The following PTPN21 variants were observed in gnomAD, a reference collection of about 807,000 sequenced individuals.
The protein encoded by PTPN21 is tyrosine-protein phosphatase non-receptor type 21.
In PTPN21, 77 loss-of-function variants were observed where a neutral mutation model predicts 131.8. The ratio of observed to expected loss-of-function variants is 0.58; its 90% CI spans 0.49 to 0.71. The LOEUF is 0.71. Among genes scored for constraint, PTPN21 ranks in the 30% least tolerant of loss-of-function variants. The pLI is 0.00. For synonymous variants in PTPN21, 715 were observed against 621.3 expected (o/e 1.15, Z -2.24); for missense variants, 1,552 against 1,527.1 (o/e 1.02, Z -0.27).
intron 8 of PTPN21, among the ~76,000 whole-genome samples, chr14:88,500,526 G>C (rs900900516): frequency 6.6e-6 from 1 of 152,134 alleles, no homozygotes; most frequent in Non-Finnish European, 1.5e-5. Context: ...GGCACAAAAA[G>C]GGTCACACAT....
chr14:88,523,838 G>C (rs1226483315), intron 2 of PTPN21, among the ~76,000 whole-genome samples: 1 of 151,622 alleles, frequency 6.6e-6, no homozygotes, highest in Non-Finnish European at 1.5e-5. Context: ...CTATATACCA[G>C]CAATGTACAT....
chr14:88,518,491 C>T (rs575261310), intron 2 of PTPN21, among the ~76,000 whole-genome samples: 7 of 119,698 alleles, frequency 5.8e-5, no homozygotes, highest in African/African-American at 9.7e-5. Flanking sequence ...AGTGCAGTGG[C>T]GCAATCTCAG....
In PTPN21 at chr14:88,545,148, A is replaced by G. The variant is rs2078758360; in HGVS notation, c.180+5090T>C. On this transcript the variant is annotated intron_variant, in intron 2 of 18. Transcript: ENST00000556564. ...CCGCGCCTGGCCGACTTATGAAAAT[A>G]TCTACTTTTTCAAGGTAACATTCTT... is the stretch of plus-strand genomic sequence containing the variant. Among the ~76,000 whole-genome samples, 3 of 152,246 alleles carry G rather than the reference A, an allele frequency of 2.0e-5. No individual in the cohort carries two copies. The South Asian group carries it at 6.2e-4, about 32-fold the overall frequency.
rs2077485453 is a variant in PTPN21, at chr14:88,472,395, C to T, written c.2720G>A (p.Arg907Gln). The T allele has an allele frequency of 3.1e-6, 5 of 1,614,048 alleles. No individual in the cohort carries two copies. Among genetic ancestry groups the T allele is most frequent in the African/African-American group, 1.3e-5 (1 of 75,026 alleles). ...TGTTGAGCACTCCCCATCAACTAGC[C>T]GTTTCTTAAGAATTCTTTCATATTC... is the stretch of plus-strand genomic sequence containing the variant. ...FTEYERILKK[R>Q]LVDGECSTAR... Residue 907 changes from arginine (R) to glutamine (Q), a missense_variant, in exon 15 of 19, where the codon CGG (arginine) becomes CAG (glutamine). Around this residue, in one of 4 missense-constraint regions of PTPN21, gnomAD observed 316 missense variants for 378.5 expected, o/e 0.83. Coordinates refer to ENST00000556564, the MANE Select transcript of PTPN21 (RefSeq NM_007039.4).
At chr14:88,535,898 C>G (rs1049096580) in intron 2 of PTPN21, among the ~76,000 whole-genome samples, 5 of 152,224 alleles carry the variant, frequency 3.3e-5, no homozygotes, top group African/African-American at 1.2e-4. Flanking sequence ...TATGCACGTC[C>G]TGTTAATGGA....
chr14:88,553,137 A>G (rs1204493576), intron 1 of PTPN21, among the ~76,000 whole-genome samples: 2 of 152,222 alleles, frequency 1.3e-5, no homozygotes, highest in Non-Finnish European at 2.9e-5. Flanking sequence ...AGCTCTGATT[A>G]AGCAAACTCA....
chr14:88,489,331 C>T (rs559905381), intron 10 of PTPN21, among the ~76,000 whole-genome samples: 41 of 152,218 alleles, frequency 2.7e-4, no homozygotes, highest in African/African-American at 9.9e-4. Flanking sequence ...CAAAAAGATG[C>T]CATTGAAAGC....
At chr14:88,544,015 C>T (rs567596013) in intron 2 of PTPN21, among the ~76,000 whole-genome samples, 1 of 152,160 alleles carries the variant, frequency 6.6e-6, no homozygotes, top group South Asian at 2.1e-4. Flanking sequence ...GAAGAGACTT[C>T]CATGGTTTCA....
chr14:88,523,752 C>CTCGAGGTAAT, intron 2 of PTPN21, among the ~76,000 whole-genome samples: 1 of 150,976 alleles, frequency 6.6e-6, no homozygotes, highest in Non-Finnish European at 1.5e-5. Flanking sequence ...CACACACACA[C>CTCGAGGTAAT]ACACCCCTGC....
In PTPN21 at chr14:88,469,501, A is replaced by G. The variant is rs2077421544; in HGVS notation, c.3233T>C (p.Leu1078Ser). 4 of 1,610,156 alleles carry G rather than the reference A, an allele frequency of 2.5e-6. No homozygotes were observed. Among genetic ancestry groups the G allele is most frequent in the Non-Finnish European group, 3.4e-6 (4 of 1,176,430 alleles). Residue 1078 changes from leucine (L) to serine (S), a missense_variant and splice_region_variant, in exon 17 of 19, where the codon TTA becomes TCA. By Grantham distance (145) the Leu-to-Ser change is moderately radical. This residue lies in a region of PTPN21 where 316 missense variants were observed against 378.5 expected (regional missense o/e 0.83). Transcript: ENST00000556564. The surrounding 1 kb of genome is among the most constrained non-coding windows in gnomAD (Gnocchi z 4.3). ...GGAACAAAGTTAAAGTCACTCACATAAAAATCCCTTGAGGTCTTCTGGACA... is the reference window on the plus strand; with the variant it reads ...GGAACAAAGTTAAAGTCACTCACATGAAAATCCCTTGAGGTCTTCTGGACA... The part of the protein sequence containing the change: ...HGCPEDLKGF[L>S]SYLEEIQSVR...
rs778796606 is a variant in PTPN21, at chr14:88,550,378, G to A, written c.40C>T (p.Arg14Cys). Residue 14 changes from arginine (R) to cysteine (C), a missense_variant, in exon 2 of 19, where the codon CGC becomes TGC. Arg to Cys is a radical substitution (Grantham distance 180, BLOSUM62 -3). Transcript: ENST00000556564. Reference sequence around the variant, plus strand: ...CAACTCTTGCTGGACACCGTGTAGCGCCGGGTGCGTTTCAGTTTCAACCCA... The same window carrying A: ...CAACTCTTGCTGGACACCGTGTAGCACCGGGTGCGTTTCAGTTTCAACCCA... ...PFGLKLKRTR[R>C]YTVSSKSCLV... 8 of 1,613,972 alleles carry A rather than the reference G, an allele frequency of 5.0e-6. No individual in the cohort carries two copies. The highest frequency in any genetic ancestry group is 6.8e-6 in the Non-Finnish European group (8 of 1,180,006).
chr14:88,485,175 G>A lies in PTPN21; in HGVS notation c.994-15C>T. 6.6e-7 allele frequency: 1 copy of A among 1,525,266 alleles called. No individual in the cohort carries two copies. The allele number at this position is 1,525,266 out of a possible 1,614,324, so 94.5% of individuals were successfully genotyped here. ...TGGGGTTTAGGCTAAGAAATGGAGA[G>A]TTTGACACAGGGTTGAAACACATTG... On this transcript the variant is annotated splice_polypyrimidine_tract_variant and intron_variant, in intron 11 of 18. Transcript: ENST00000556564.
intron 2 of PTPN21, among the ~76,000 whole-genome samples, chr14:88,527,695 TGTTTTTGG>T (rs1402123746): frequency 1.3e-5 from 2 of 152,220 alleles, no homozygotes; most frequent in African/African-American, 4.8e-5. Context: ...TTGCTGCATT[TGTTTTTGG>T]GTTTTTGGTC....
In PTPN21 at chr14:88,466,332, G is replaced by C. The variant is rs1244746210; in HGVS notation, c.*1805C>G. ...TGAGAAGTGTGCGTACTTTCAATTA[G>C]TTTTCATTAATATCTTCTGAGTTTT... On this transcript the variant is annotated 3_prime_UTR_variant, in exon 19 of 19. Coordinates refer to ENST00000556564, the MANE Select transcript of PTPN21 (RefSeq NM_007039.4). The C allele has an allele frequency of 6.6e-6, 1 of 152,044 alleles. No individual in the cohort carries two copies. Among genetic ancestry groups the C allele is most frequent in the Non-Finnish European group, 1.5e-5 (1 of 68,012 alleles). 9.4% of individuals were successfully genotyped at this position (152,044 alleles called of 1,614,324 possible). A position where few individuals can be genotyped will look rare whatever the true frequency, so the allele number is the denominator to read the frequency against.
chr14:88,499,340 G>A (rs932746331), intron 8 of PTPN21: 1 of 152,314 alleles, frequency 6.6e-6, no homozygotes, highest in African/African-American at 2.4e-5. Flanking sequence ...GGAGATGTCA[G>A]TTTAGAGAAA....
rs373722054 is a variant in PTPN21 at position 88,469,120 on chromosome 14, C to T, written c.3236-44G>A. On this transcript the variant is annotated intron_variant, in intron 17 of 18. Coordinates refer to ENST00000556564, the MANE Select transcript of PTPN21 (RefSeq NM_007039.4). The surrounding 1 kb of genome is among the most constrained non-coding windows in gnomAD (Gnocchi z 4.3). Reference sequence around the variant, plus strand: ...ATAGAAAAGTACTCAAGGATCAAGGCGTATCACATTGTTGACTCAATCTTC... The same window carrying T: ...ATAGAAAAGTACTCAAGGATCAAGGTGTATCACATTGTTGACTCAATCTTC... 2.7e-5 allele frequency: 43 copies of T among 1,564,494 alleles called. No individual in the cohort carries two copies. The African/African-American group carries it at 4.8e-4, about 17-fold the overall frequency.
chr14:88,487,825 G>T (rs530848980), intron 10 of PTPN21, among the ~76,000 whole-genome samples: 4 of 152,110 alleles, frequency 2.6e-5, no homozygotes, highest in Admixed American at 1.3e-4. Context: ...AATTAGCCAG[G>T]CGCGGTGGCA....
At chr14:88,536,013 C>T (rs1271501610) in intron 2 of PTPN21, among the ~76,000 whole-genome samples, 1 of 152,198 alleles carries the variant, frequency 6.6e-6, no homozygotes, top group Non-Finnish European at 1.5e-5. Context: ...CAGTGCTTTT[C>T]CTGATAAGAA....
In PTPN21 at chr14:88,479,881, C is replaced by A. The variant is rs769221293; in HGVS notation, c.1550G>T (p.Ser517Ile). The A allele has an allele frequency of 6.3e-7, 1 of 1,585,398 alleles. No homozygotes were observed. Among genetic ancestry groups the A allele is most frequent in the Non-Finnish European group, 8.5e-7 (1 of 1,170,000 alleles). Reference protein sequence around the residue: ...AAHCPFSLSYSFHSPSPYPYP... With the variant: ...AAHCPFSLSYIFHSPSPYPYP... ...GGGGTAGGGAGACGGGCTGTGGAAG[C>A]TGTAGCTCAGGCTGAACGGGCAGTG... The change falls in exon 13 of 19, where the codon AGC (serine) becomes ATC (isoleucine). Residue 517 changes from serine (S) to isoleucine (I), a missense_variant. By Grantham distance (142) the Ser-to-Ile change is moderately radical. Coordinates refer to ENST00000556564, the MANE Select transcript of PTPN21 (RefSeq NM_007039.4).
Sources: allele counts gnomAD v4.1 joint callset (sites outside exome capture counted in the v4.1 genomes callset), GRCh38; gene constraint gnomAD v4.1.1; regional missense constraint gnomAD v4.1.1; non-coding constraint Gnocchi (gnomAD v3.1); transcripts MANE v1.5; gene names NCBI Gene and HGNC (gene_info 2026-07-23, HGNC 2026-07-21).